The following SMYD1 variants were observed in gnomAD, a reference collection of about 807,000 sequenced individuals.
SMYD1 encodes histone-lysine N-methyltransferase SMYD1.
A neutral mutation model predicts 54.0 loss-of-function variants in SMYD1; 49 were observed. The observed-to-expected ratio is 0.91, with a 90% CI of 0.72 to 1.15. The LOEUF (loss-of-function observed/expected upper bound fraction) is 1.15, where lower values mean the gene tolerates loss of function less well. Ranked by LOEUF, SMYD1 falls within the 50% of genes most tolerant of loss-of-function variation. The probability of loss-of-function intolerance (pLI) is 0.00; values close to 1 mark genes in which losing one functional copy is unlikely to be tolerated. For missense variants in SMYD1, 653 were observed against 639.6 expected (o/e 1.02, Z -0.23); for synonymous variants, 269 against 234.2 (o/e 1.15, Z -1.36).
intron 1 of SMYD1, among the ~76,000 whole-genome samples, chr2:88,078,066 C>G (rs565579406): frequency 1.3e-5 from 2 of 152,088 alleles, no homozygotes; most frequent in Non-Finnish European, 2.9e-5. Flanking sequence ...TGTCCCCATA[C>G]GATGTTCTCC....
Position 88,111,455 on chromosome 2 carries a change from TG to T in SMYD1, c.*948del, listed in dbSNP as rs1675020072. On this transcript the variant is annotated 3_prime_UTR_variant, in exon 10 of 10. Coordinates refer to ENST00000419482, the MANE Select transcript of SMYD1 (RefSeq NM_198274.4). Reference sequence around the variant, plus strand: ...TCATGGGCCCTGCAGAATTGGCCCTTGGGGGCTTTATTTGGTTACATGTGCC... The same window carrying T: ...TCATGGGCCCTGCAGAATTGGCCCTTGGGGCTTTATTTGGTTACATGTGCC... 1 of 152,308 alleles carries T rather than the reference TG, an allele frequency of 6.6e-6. No individual in the cohort carries two copies. Among genetic ancestry groups the T allele is most frequent in the Non-Finnish European group, 1.5e-5 (1 of 68,088 alleles). The allele number at this position is 152,308 out of a possible 1,614,324, so 9.4% of individuals were successfully genotyped here.
chr2:88,083,206 T>C (rs945249974), intron 1 of SMYD1: 3 of 152,146 alleles, frequency 2.0e-5, no homozygotes, highest in South Asian at 4.1e-4. Flanking sequence ...TTTCATTATT[T>C]CTTTGCTTCA....
intron 6 of SMYD1, among the ~76,000 whole-genome samples, chr2:88,101,680 A>G (rs1011031301): frequency 1.1e-4 from 16 of 150,958 alleles, no homozygotes; most frequent in Non-Finnish European, 2.4e-4. Flanking sequence ...ATCTCGGCTC[A>G]CTGCAACCTC....
intron 7 of SMYD1, among the ~76,000 whole-genome samples, chr2:88,105,204 G>T (rs1480998312): frequency 6.6e-6 from 1 of 152,142 alleles, no homozygotes; most frequent in Non-Finnish European, 1.5e-5. Context: ...TCAACTGCTT[G>T]GTTTCAGTGC....
At chr2:88,080,981 C>A (rs1490053465) in intron 1 of SMYD1, among the ~76,000 whole-genome samples, 1 of 151,266 alleles carries the variant, frequency 6.6e-6, no homozygotes, top group Non-Finnish European at 1.5e-5. Flanking sequence ...TGGCTCATTG[C>A]AACCTCTGCC....
intron 1 of SMYD1, among the ~76,000 whole-genome samples, chr2:88,075,534 C>CTTTTTTT (rs35091980): frequency 9.7e-6 from 1 of 103,576 alleles, no homozygotes; most frequent in Non-Finnish European, 1.9e-5. Context: ...CCTTTTAATT[C>CTTTTTTT]TTTTTTTTTT....
intron 2 of SMYD1, among the ~76,000 whole-genome samples, chr2:88,085,151 CAAA>C (rs1227312462): frequency 6.7e-6 from 1 of 148,628 alleles, no homozygotes; most frequent in East Asian, 1.9e-4. Flanking sequence ...AAAAAATAAA[CAAA>C]AAACTGAAAA....
intron 3 of SMYD1, 111 bp from the exon 4 acceptor site, chr2:88,090,901 G>A: frequency 8.1e-7 from 1 of 1,233,192 alleles, no homozygotes; most frequent in Non-Finnish European, 1.1e-6. Flanking sequence ...GACTCCCTAA[G>A]CATCTCCAGG....
chr2:88,075,033 G>A (rs1229976935), intron 1 of SMYD1, among the ~76,000 whole-genome samples: 1 of 152,192 alleles, frequency 6.6e-6, no homozygotes, highest in Non-Finnish European at 1.5e-5. Flanking sequence ...TTAATAAAAG[G>A]ATTAGAGAAA....
rs781596537 is a variant in SMYD1 at position 88,110,468 on chromosome 2, C to G, written c.1429C>G (p.Pro477Ala). The G allele has an allele frequency of 1.9e-6, 3 of 1,600,878 alleles. No individual in the cohort carries two copies. In the South Asian group the frequency reaches 3.4e-5, roughly 18 times the overall value. Residue 477 changes from proline (P) to alanine (A), a missense_variant, in exon 10 of 10, where the codon CCC becomes GCC. Coordinates refer to ENST00000419482, the MANE Select transcript of SMYD1 (RefSeq NM_198274.4). ...NNQPMQVMAE[P>A]SNEPSPALFH... ...CCAGCCCATGCAGGTCATGGCCGAG[C>G]CCAGCAATGAGCCATCCCCAGCTCT...
chr2:88,071,785 T>C (rs1230053318), intron 1 of SMYD1, among the ~76,000 whole-genome samples: 3 of 152,142 alleles, frequency 2.0e-5, no homozygotes, highest in East Asian at 1.9e-4. Flanking sequence ...CCGGGGGTGA[T>C]GCACGAGTGG....
At chr2:88,099,449 G>C (rs531033440) in intron 6 of SMYD1, among the ~76,000 whole-genome samples, 1 of 152,150 alleles carries the variant, frequency 6.6e-6, no homozygotes, top group Non-Finnish European at 1.5e-5. Context: ...GCCAGGTCGG[G>C]TGCGGTGGCT....
At position 88,106,375 on chromosome 2, in the gene SMYD1, T is replaced by C; in HGVS notation, c.1032T>C (p.Ala344=). The C allele has an allele frequency of 1.9e-6, 3 of 1,614,206 alleles. No individual in the cohort carries two copies. The highest frequency in any genetic ancestry group is 2.5e-6 in the Non-Finnish European group (3 of 1,180,040). The change falls in exon 8 of 10, where the codon GCT becomes GCC. Residue 344 remains alanine, a synonymous_variant. Coordinates refer to ENST00000419482, the MANE Select transcript of SMYD1 (RefSeq NM_198274.4). ...TGGAGAAGCAGGAGCCAGTGTTTGC[T>C]GACACCAACATCTACATGCTGCGGA... The part of the protein sequence containing the change: ...ECLEKQEPVF[A]DTNIYMLRML...
chr2:88,087,943 G>A lies in SMYD1; in HGVS notation c.396G>A (p.Leu132=). 6.2e-7 allele frequency: 1 copy of A among 1,614,130 alleles called. No homozygotes were observed. The highest frequency in any genetic ancestry group is 1.7e-5 in the Admixed American group (1 of 60,032). Residue 132 remains leucine (L), a synonymous_variant, in exon 3 of 10, where the codon TTG becomes TTA. Transcript: ENST00000419482. ...GCTGCCTGGTGTCCGTGGACGACTT[G>A]CAGAACCACGTGGAGCACTTTGGGG... ...TEGCLVSVDD[L]QNHVEHFGEE...
chr2:88,087,812 G>T, intron 2 of SMYD1, 50 bp from the exon 3 acceptor site: 1 of 1,454,880 alleles, frequency 6.9e-7, no homozygotes, highest in Non-Finnish European at 9.2e-7. Flanking sequence ...AATGTGTGTT[G>T]AAGGAATGAA....
At position 88,083,823 on chromosome 2, in the gene SMYD1, G is replaced by A. The variant is rs183944391; in HGVS notation, c.138-493G>A. The stretch of plus-strand genomic sequence containing the variant: ...CTTAAAAATATTTGGTAGGCCAGGC[G>A]CGGTGGCTCATGCCTGTAATCCCAG... On this transcript the variant is annotated intron_variant, in intron 1 of 9. Coordinates refer to ENST00000419482, the MANE Select transcript of SMYD1 (RefSeq NM_198274.4). 8.0e-3 allele frequency among the ~76,000 whole-genome samples: 1,220 copies of A among 152,308 alleles called. 9 individuals carry two copies. The highest frequency in any genetic ancestry group is 0.014 in the Middle Eastern group (4 of 294).
rs1489649382 is a variant in SMYD1 at position 88,112,032 on chromosome 2, T to A, written c.*1520T>A. ...ACCCAGTGGCTGAAAACTCTGCAAATGGGCCACACTTTTGCAAAATACTTG... is the reference window on the plus strand; with the variant it reads ...ACCCAGTGGCTGAAAACTCTGCAAAAGGGCCACACTTTTGCAAAATACTTG... On this transcript the variant is annotated 3_prime_UTR_variant, in exon 10 of 10. Transcript: ENST00000419482. 2.8e-6 allele frequency: 2 copies of A among 702,728 alleles called. No homozygotes were observed. Among genetic ancestry groups the A allele is most frequent in the Non-Finnish European group, 5.2e-6 (2 of 384,846 alleles). 43.5% of individuals were successfully genotyped at this position (702,728 alleles called of 1,614,324 possible).
chr2:88,106,326 T>C lies in SMYD1; in HGVS notation c.983T>C (p.Val328Ala). 1.9e-6 allele frequency: 3 copies of C among 1,613,988 alleles called. No homozygotes were observed. The highest frequency in any genetic ancestry group is 2.5e-6 in the Non-Finnish European group (3 of 1,179,992). Reference sequence around the variant, plus strand: ...GGCAGGGCCTCTGTCTCACTCTAGGTTGTGAAATTATGCCGGGAGTGCCTG... The same window carrying C: ...GGCAGGGCCTCTGTCTCACTCTAGGCTGTGAAATTATGCCGGGAGTGCCTG... ...KARSEGLYHE[V>A]VKLCRECLEK... The change falls in exon 8 of 10, where the codon GTT becomes GCT. Residue 328 changes from valine (V) to alanine (A), a missense_variant and splice_region_variant. Coordinates refer to ENST00000419482, the MANE Select transcript of SMYD1 (RefSeq NM_198274.4).
intron 1 of SMYD1, 63 bp from the exon 2 acceptor site, chr2:88,084,253 A>G: frequency 7.1e-7 from 1 of 1,415,668 alleles, no homozygotes; most frequent in South Asian, 1.5e-5. Context: ...CAGGTGTCCC[A>G]CTGGCTGCAG....
Sources: gnomAD v4.1 joint callset for allele counts (sites outside exome capture counted in the v4.1 genomes callset) on GRCh38, gnomAD v4.1.1 for gene constraint, MANE v1.5 for transcripts, NCBI Gene and HGNC (gene_info 2026-07-23, HGNC 2026-07-21) for gene names.